BICRAL: variants seen among roughly 807,000 people sequenced by gnomAD.
The protein encoded by BICRAL is BRD4-interacting chromatin-remodeling complex-associated protein-like.
In BICRAL, 8 loss-of-function variants were observed where a neutral mutation model predicts 91.8. The ratio of observed to expected loss-of-function variants is 0.09; its 90% CI spans 0.05 to 0.16. The LOEUF (loss-of-function observed/expected upper bound fraction) is 0.16. BICRAL is among the 10% of genes least tolerant of loss of function. BICRAL has a pLI of 1.00. For missense variants in BICRAL, 1,038 were observed against 1,310.9 expected, an observed-to-expected ratio of 0.79 and a Z score of 3.21; for synonymous variants, 445 against 491.1, an observed-to-expected ratio of 0.91 and a Z score of 1.24.
At chr6:42,766,194 T>C (rs1381738499) in intron 1 of BICRAL, among the ~76,000 whole-genome samples, 2 of 152,164 alleles carry the variant, frequency 1.3e-5, no homozygotes, top group African/African-American at 4.8e-5. Flanking sequence ...TGTAAAGTTC[T>C]CTGATATTAT....
intron 1 of BICRAL, among the ~76,000 whole-genome samples, chr6:42,806,227 C>T (rs139010798): frequency 6.6e-6 from 1 of 152,118 alleles, no homozygotes; most frequent in South Asian, 2.1e-4. Context: ...GTTTGCAGGT[C>T]CCACCTGACT....
Position 42,866,141 on chromosome 6 carries a change from C to T in BICRAL, c.*695C>T, listed in dbSNP as rs183207039. 6.6e-6 allele frequency: 1 copy of T among 152,422 alleles called. No homozygotes were observed. Among genetic ancestry groups the T allele is most frequent in the East Asian group, 1.9e-4 (1 of 5,184 alleles). 9.4% of individuals were successfully genotyped at this position (152,422 alleles called of 1,614,324 possible). A position where few individuals can be genotyped will look rare whatever the true frequency, so the allele number is the denominator to read the frequency against. Reference sequence around the variant, plus strand: ...TTCTGATGCTTCCGGAGCAAAACCTCATGCTTTTAGGCATATCTATGTTGA... The same window carrying T: ...TTCTGATGCTTCCGGAGCAAAACCTTATGCTTTTAGGCATATCTATGTTGA... On this transcript the variant is annotated 3_prime_UTR_variant, in exon 13 of 13. Coordinates refer to ENST00000314073, the MANE Select transcript of BICRAL (RefSeq NM_001393499.1).
At chr6:42,813,124 ATGTAAT>A (rs1481966033) in intron 2 of BICRAL, among the ~76,000 whole-genome samples, 9 of 152,342 alleles carry the variant, frequency 5.9e-5, no homozygotes, top group Admixed American at 4.6e-4. Context: ...TAGTCTAATG[ATGTAAT>A]TGTAGTCCCC....
intron 1 of BICRAL, among the ~76,000 whole-genome samples, chr6:42,759,063 C>G (rs559324179): frequency 6.6e-6 from 1 of 152,332 alleles, no homozygotes; most frequent in East Asian, 1.9e-4. Context: ...TTGAATAAAT[C>G]TGAATCTCTG....
At chr6:42,850,621 C>A (rs893881395) in intron 6 of BICRAL, among the ~76,000 whole-genome samples, 12 of 151,924 alleles carry the variant, frequency 7.9e-5, no homozygotes, top group African/African-American at 2.9e-4. Flanking sequence ...CACGGTGGCT[C>A]ACGTTTGTAA....
At chr6:42,844,306 A>G (rs1764913303) in intron 6 of BICRAL, among the ~76,000 whole-genome samples, 1 of 150,176 alleles carries the variant, frequency 6.7e-6, no homozygotes, top group Non-Finnish European at 1.5e-5. Context: ...TCAGGAGATG[A>G]AGACCATTCT....
At chr6:42,782,025 CCCG>C (rs775975045), upstream of BICRAL, 13 of 147,316 alleles carry the variant, frequency 8.8e-5, no homozygotes, top group South Asian at 1.8e-4. Flanking sequence ...CGGCCCCGCG[CCCG>C]CCGCCGCCGC....
intron 11 of BICRAL, among the ~76,000 whole-genome samples, chr6:42,860,917 G>A (rs910627109): frequency 7.9e-5 from 12 of 151,990 alleles, no homozygotes; most frequent in Admixed American, 1.3e-4. Flanking sequence ...ACCTGAGGTC[G>A]GGAGTTCAAG....
chr6:42,801,274 G>T (rs1266443424), intron 1 of BICRAL, among the ~76,000 whole-genome samples: 1 of 150,380 alleles, frequency 6.6e-6, no homozygotes, highest in Non-Finnish European at 1.5e-5. Context: ...AAAAGAGAGC[G>T]AGAGAGAGAA....
At position 42,865,035 on chromosome 6, in the gene BICRAL, C is replaced by T; in HGVS notation, c.2829C>T (p.Thr943=). The T allele has an allele frequency of 6.2e-7, 1 of 1,614,118 alleles. No homozygotes were observed. The highest frequency in any genetic ancestry group is 8.5e-7 in the Non-Finnish European group (1 of 1,180,050). ...CCGGCCCTGAGGGGCACCGGAAAAC[C>T]TCATCCAGATCGGATCATGGTACTG... ...CSPGPEGHRK[T]SSRSDHGTES... Residue 943 remains threonine, a synonymous_variant, in exon 13 of 13, where the codon ACC becomes ACT. Transcript: ENST00000314073.
At chr6:42,752,358 CCTA>C (rs1762393798) in intron 1 of BICRAL, among the ~76,000 whole-genome samples, 1 of 152,268 alleles carries the variant, frequency 6.6e-6, no homozygotes, top group East Asian at 1.9e-4. Context: ...CCAGGGAGGC[CCTA>C]AGACTGCCAA....
intron 6 of BICRAL, among the ~76,000 whole-genome samples, chr6:42,847,547 G>T (rs998911087): frequency 1.3e-5 from 2 of 151,946 alleles, no homozygotes; most frequent in Non-Finnish European, 2.9e-5. Flanking sequence ...GGAGGCTGAG[G>T]TAGGAGGATC....
At position 42,772,311 on chromosome 6, in the gene BICRAL, G is replaced by A. The variant is rs1382774095; in HGVS notation, c.-260-9528G>A. ...TTCTTGGGATTGAGTCTCAAGCAAA[G>A]ATGTTTGAAAGCCACTGAGTTAGGC... On this transcript the variant is annotated intron_variant, in intron 1 of 14. Transcript: ENST00000614467. 2.6e-5 allele frequency among the ~76,000 whole-genome samples: 4 copies of A among 152,222 alleles called. No homozygotes were observed. The East Asian group carries it at 7.7e-4, about 29-fold the overall frequency.
intron 1 of BICRAL, among the ~76,000 whole-genome samples, chr6:42,765,405 C>T (rs1762616204): frequency 6.6e-6 from 1 of 152,136 alleles, no homozygotes; most frequent in Non-Finnish European, 1.5e-5. Context: ...TTGAAATTTG[C>T]TGAGGCGCAA....
At chr6:42,795,388 G>C (rs1233679285) in intron 1 of BICRAL, among the ~76,000 whole-genome samples, 2 of 152,182 alleles carry the variant, frequency 1.3e-5, no homozygotes, top group Non-Finnish European at 2.9e-5. Flanking sequence ...CCGAGATCGT[G>C]CCACTGCACT....
intron 1 of BICRAL, among the ~76,000 whole-genome samples, chr6:42,809,739 G>T (rs1380823016): frequency 6.6e-6 from 1 of 151,938 alleles, no homozygotes; most frequent in Non-Finnish European, 1.5e-5. Context: ...GCCTCCCAAA[G>T]TGCTGGAATT....
chr6:42,782,921 T>C (rs1365229131), intron 1 of BICRAL, among the ~76,000 whole-genome samples: 4 of 149,458 alleles, frequency 2.7e-5, no homozygotes, highest in African/African-American at 5.0e-5. Context: ...TCGGAAGCTC[T>C]AGGGTGTGAA....
At chr6:42,785,432 G>A (rs1763074334) in intron 1 of BICRAL, among the ~76,000 whole-genome samples, 1 of 151,744 alleles carries the variant, frequency 6.6e-6, no homozygotes, top group South Asian at 2.1e-4. Flanking sequence ...GTGGTGGCAG[G>A]TGCCTGTAAT....
At chr6:42,863,852 A>AC (rs1324774103) in intron 12 of BICRAL, among the ~76,000 whole-genome samples, 1 of 152,004 alleles carries the variant, frequency 6.6e-6, no homozygotes, top group East Asian at 1.9e-4. Context: ...ACATGGTGAA[A>AC]CCCCGTCTTT....
Sources: gnomAD v4.1 joint callset for allele counts (sites outside exome capture counted in the v4.1 genomes callset) on GRCh38, gnomAD v4.1.1 for gene constraint, MANE v1.5 for transcripts, NCBI Gene and HGNC (gene_info 2026-07-23, HGNC 2026-07-21) for gene names.